The following EPB41L4A variants were observed in gnomAD, a reference collection of about 807,000 sequenced individuals.
The protein encoded by EPB41L4A is band 4.1-like protein 4A.
EPB41L4A carries 100 observed loss-of-function variants against 108.6 expected under a neutral mutation model. The observed-to-expected ratio is 0.92, with a 90% confidence interval of 0.78 to 1.09. EPB41L4A has a LOEUF of 1.09. Among genes scored for constraint, EPB41L4A ranks in the 50% least tolerant of loss-of-function variants. The pLI, the probability that EPB41L4A is intolerant of heterozygous loss-of-function variation, is 0.00. For missense variants in EPB41L4A, 1,030 were observed against 842.7 expected (o/e 1.22, Z -2.75); for synonymous variants, 319 against 289.0 (o/e 1.10, Z -1.05).
intron 2 of EPB41L4A, among the ~76,000 whole-genome samples, chr5:112,301,614 G>A (rs191947448): frequency 6.6e-6 from 1 of 152,232 alleles, no homozygotes; most frequent in East Asian, 1.9e-4. Flanking sequence ...AGCTTTCTTG[G>A]TATATTTCTG....
intron 1 of EPB41L4A, among the ~76,000 whole-genome samples, 182 bp downstream of exon 1, chr5:112,418,759 T>G (rs1762873759): frequency 6.6e-6 from 1 of 151,996 alleles, no homozygotes; most frequent in South Asian, 2.1e-4. Context: ...ATGAAGGAAC[T>G]CAAAGTTAAC....
At chr5:112,291,463 T>A (rs759965622) in intron 2 of EPB41L4A, among the ~76,000 whole-genome samples, 1 of 152,210 alleles carries the variant, frequency 6.6e-6, no homozygotes, top group Non-Finnish European at 1.5e-5. Context: ...GGTTCATAAC[T>A]CCCATAGCCC....
At position 112,181,377 on chromosome 5, in the gene EPB41L4A, G is replaced by A. The variant is rs188850312; in HGVS notation, c.1622+2639C>T. Among the ~76,000 whole-genome samples, 879 of 152,190 alleles carry A rather than the reference G, an allele frequency of 5.8e-3. 3 individuals are homozygous for A. Among genetic ancestry groups the A allele is most frequent in the Middle Eastern group, 0.014 (4 of 294 alleles). On this transcript the variant is annotated intron_variant, in intron 18 of 22. Transcript: ENST00000261486. ...GAGACAGGAGAATGGCGTGGAACCC[G>A]GGAGGCGGAGCTTGCAGTGAGCCGA...
intron 1 of EPB41L4A, among the ~76,000 whole-genome samples, chr5:112,351,243 C>T (rs1758024004): frequency 6.6e-6 from 1 of 151,972 alleles, no homozygotes; most frequent in African/African-American, 2.4e-5. Flanking sequence ...GCTAAGCCAA[C>T]CAAGAAATAA....
intron 19 of EPB41L4A, 38 bp downstream of exon 19, chr5:112,170,907 T>C (rs759508847): frequency 2.5e-6 from 4 of 1,570,052 alleles, no homozygotes; most frequent in East Asian, 2.2e-5. Flanking sequence ...TAAAACTACA[T>C]GGGTTTTAAA....
rs187078966 is a variant in EPB41L4A at position 112,412,076 on chromosome 5, C to T, written c.99+6865G>A. On this transcript the variant is annotated intron_variant, in intron 1 of 22. Transcript: ENST00000261486. ...GCTTTCCCGAGGGCTCAGAAGGTGTCGTTCCTAAACAATACACTGCAGCAC... is the reference window on the plus strand; with the variant it reads ...GCTTTCCCGAGGGCTCAGAAGGTGTTGTTCCTAAACAATACACTGCAGCAC... 7.5e-4 allele frequency among the ~76,000 whole-genome samples: 114 copies of T among 152,292 alleles called. 1 individual carries two copies. Among genetic ancestry groups the T allele is most frequent in the Non-Finnish European group, 2.4e-4 (16 of 68,028 alleles).
rs536937614 is a variant in EPB41L4A, at chr5:112,300,267, G to A, written c.204+7119C>T. Among the ~76,000 whole-genome samples the A allele has an allele frequency of 4.6e-5, 7 of 152,248 alleles. No homozygotes were observed. The South Asian group carries it at 8.3e-4, about 18-fold the overall frequency. On this transcript the variant is annotated intron_variant, in intron 2 of 22. Coordinates refer to ENST00000261486, the MANE Select transcript of EPB41L4A (RefSeq NM_022140.5). Reference sequence around the variant, plus strand: ...CCTGTGAGACTTATGCTTTAAGGAAGTTCTGTTACTGATGTGTTTTCAGGA... The same window carrying A: ...CCTGTGAGACTTATGCTTTAAGGAAATTCTGTTACTGATGTGTTTTCAGGA...
At position 112,418,865 on chromosome 5, in the gene EPB41L4A, T is replaced by C. The variant is rs1394539006; in HGVS notation, c.99+76A>G. On this transcript the variant is annotated intron_variant, in intron 1 of 22. Coordinates refer to ENST00000261486, the MANE Select transcript of EPB41L4A (RefSeq NM_022140.5). Reference sequence around the variant, plus strand: ...GCGGCCGCCGCCCTCGACCCACCGGTGACAGCCCTCAAAGCGATGGACCCC... The same window carrying C: ...GCGGCCGCCGCCCTCGACCCACCGGCGACAGCCCTCAAAGCGATGGACCCC... 9 of 1,171,254 alleles carry C rather than the reference T, an allele frequency of 7.7e-6. No individual in the cohort carries two copies. In the South Asian group the frequency reaches 1.2e-4, roughly 15 times the overall value. 72.6% of individuals were successfully genotyped at this position (1,171,254 alleles called of 1,614,324 possible).
intron 1 of EPB41L4A, among the ~76,000 whole-genome samples, chr5:112,403,343 A>G (rs572228671): frequency 6.6e-6 from 1 of 152,186 alleles, no homozygotes; most frequent in East Asian, 1.9e-4. Context: ...TCAGCAAAAA[A>G]AAAAAAAAAA....
At chr5:112,328,259 A>C (rs1394499448) in intron 1 of EPB41L4A, among the ~76,000 whole-genome samples, 2 of 152,156 alleles carry the variant, frequency 1.3e-5, no homozygotes, top group Non-Finnish European at 1.5e-5. Flanking sequence ...CAGTAGGCCA[A>C]GATTGTGCCA....
chr5:112,197,135 C>G (rs376513985), intron 15 of EPB41L4A: 4 of 152,186 alleles, frequency 2.6e-5, no homozygotes, highest in Non-Finnish European at 2.9e-5. Context: ...TCACCTTGCC[C>G]GTCTAGCAGA....
intron 11 of EPB41L4A, among the ~76,000 whole-genome samples, chr5:112,235,175 G>A (rs1356456596): frequency 1.3e-5 from 2 of 152,074 alleles, no homozygotes; most frequent in Non-Finnish European, 2.9e-5. Flanking sequence ...AAGACCACTC[G>A]GTATGATTTT....
intron 12 of EPB41L4A, among the ~76,000 whole-genome samples, chr5:112,157,545 T>C (rs551180315): frequency 6.6e-6 from 1 of 152,336 alleles, no homozygotes; most frequent in South Asian, 2.1e-4. Context: ...AGCTGAGGGT[T>C]ATTCCCAGGT....
intron 1 of EPB41L4A, among the ~76,000 whole-genome samples, chr5:112,374,203 T>C (rs974782612): frequency 4.6e-5 from 7 of 152,188 alleles, no homozygotes; most frequent in Non-Finnish European, 1.0e-4. Context: ...TTACAAACCG[T>C]AGCCATGAAG....
At chr5:112,169,851 A>C (rs1332688934) in intron 20 of EPB41L4A, among the ~76,000 whole-genome samples, 1 of 152,128 alleles carries the variant, frequency 6.6e-6, no homozygotes, top group African/African-American at 2.4e-5. Flanking sequence ...AACACAGTCA[A>C]CAGGTACGGT....
chr5:112,218,750 T>G (rs573004339), intron 12 of EPB41L4A, among the ~76,000 whole-genome samples: 1 of 152,380 alleles, frequency 6.6e-6, no homozygotes, highest in South Asian at 2.1e-4. Context: ...GGAAGTTTTT[T>G]GTCTGCTTCC....
intron 1 of EPB41L4A, among the ~76,000 whole-genome samples, chr5:112,326,645 C>T (rs867516080): frequency 6.6e-6 from 1 of 152,196 alleles, no homozygotes. Flanking sequence ...TACTTCGGCA[C>T]TCCTAAAAAG....
At chr5:112,234,809 TAAACA>T in intron 11 of EPB41L4A, 54 bp from the exon 12 acceptor site, 1 of 1,565,744 alleles carries the variant, frequency 6.4e-7, no homozygotes, top group Non-Finnish European at 8.7e-7. Flanking sequence ...GCCACAAAAT[TAAACA>T]ACAGGTCATT....
intron 1 of EPB41L4A, among the ~76,000 whole-genome samples, chr5:112,322,978 T>TAAAAAAAAAAAAA (rs1755901852): frequency 8.3e-6 from 1 of 120,340 alleles, no homozygotes. Flanking sequence ...AAGATACAAT[T>TAAAAAAAAAAAAA]AGAAGACAAG....
Sources: gnomAD v4.1 joint callset for allele counts (sites outside exome capture counted in the v4.1 genomes callset) on GRCh38, gnomAD v4.1.1 for gene constraint, MANE v1.5 for transcripts, NCBI Gene and HGNC (gene_info 2026-07-23, HGNC 2026-07-21) for gene names.